Variants in IL1RAPL1 observed in about 807,000 individuals in gnomAD.
IL1RAPL1 encodes interleukin 1 receptor accessory protein like 1.
A neutral mutation model predicts 48.4 loss-of-function variants in IL1RAPL1; 3 were observed. That is an observed-to-expected ratio of 0.06 (90% CI 0.03 to 0.16). IL1RAPL1 has a LOEUF of 0.16. Ranked by LOEUF, IL1RAPL1 falls within the 10% of genes least tolerant of loss-of-function variation. IL1RAPL1 has a pLI of 1.00. For missense variants in IL1RAPL1, 349 were observed against 530.6 expected, an observed-to-expected ratio of 0.66 and a Z score of 3.36; for synonymous variants, 185 against 187.7, an observed-to-expected ratio of 0.99 and a Z score of 0.12.
rs1203248525 is a variant in IL1RAPL1, at chrX:29,350,191, T to TTATATATGTATATA, written c.363-46060_363-46059insGTATATATATATAT. Among the ~76,000 whole-genome samples the TTATATATGTATATA allele has an allele frequency of 1.2e-3, 46 of 39,424 alleles. 2 individuals are homozygous for TTATATATGTATATA. Among genetic ancestry groups the TTATATATGTATATA allele is most frequent in the African/African-American group, 7.8e-3 (45 of 5,752 alleles). The allele number at this position is 39,424 out of a possible 115,157, so 34.2% of individuals were successfully genotyped here. ...CTCCCTTGGTCTACATACTGTTATTTTATATATATATATATATATATATAT... is the reference window on the plus strand; with the variant it reads ...CTCCCTTGGTCTACATACTGTTATTTTATATATGTATATATATATATATATATATATATATATAT... On this transcript the variant is annotated intron_variant, in intron 3 of 10. Coordinates refer to ENST00000378993, the MANE Select transcript of IL1RAPL1 (RefSeq NM_014271.4).
At chrX:29,365,178 A>G (rs1933434565) in intron 3 of IL1RAPL1, among the ~76,000 whole-genome samples, 4 of 111,519 alleles carry the variant, frequency 3.6e-5, no homozygotes, top group African/African-American at 1.3e-4. Flanking sequence ...GTGCTCAGGC[A>G]GAGAAGGTGA....
intron 2 of IL1RAPL1, among the ~76,000 whole-genome samples, chrX:29,036,086 A>G (rs1321412947): frequency 8.9e-6 from 1 of 111,884 alleles, no homozygotes; most frequent in Non-Finnish European, 1.9e-5. Context: ...AGCTTCGAGA[A>G]GACTTGAGAC....
rs768110490 is a variant in IL1RAPL1, at chrX:28,817,422, G to A, written c.82+27997G>A. On this transcript the variant is annotated intron_variant, in intron 2 of 10. Transcript: ENST00000378993. ...GGCAGACCTTTCACAGTGATAGATA[G>A]TATACAGAAGCTACCATGCTGAGAT... Among the ~76,000 whole-genome samples, 4 of 110,727 alleles carry A rather than the reference G, an allele frequency of 3.6e-5. No homozygotes were observed. The East Asian group carries it at 1.2e-3, about 32-fold the overall frequency.
At chrX:29,382,193 A>G (rs756574146) in intron 3 of IL1RAPL1, among the ~76,000 whole-genome samples, 51 of 111,392 alleles carry the variant, frequency 4.6e-4, no homozygotes, top group Non-Finnish European at 7.9e-4. Context: ...CGTGCATATG[A>G]AGAATAATTT....
chrX:29,864,993 A>G lies in IL1RAPL1; in HGVS notation c.779-52471A>G, dbSNP rs373088029. Among the ~76,000 whole-genome samples, 7 of 112,240 alleles carry G rather than the reference A, an allele frequency of 6.2e-5. No homozygotes were observed. In the East Asian group the frequency reaches 2.0e-3, roughly 31 times the overall value. On this transcript the variant is annotated intron_variant, in intron 6 of 10. Transcript: ENST00000378993. Reference sequence around the variant, plus strand: ...GTGCAAGATGAGATTGCCTGAAGTCAGATTAAAACACTGCCCCTGCTCCCC... The same window carrying G: ...GTGCAAGATGAGATTGCCTGAAGTCGGATTAAAACACTGCCCCTGCTCCCC...
chrX:28,885,552 G>T (rs977126201), intron 2 of IL1RAPL1, among the ~76,000 whole-genome samples: 14 of 111,571 alleles, frequency 1.3e-4, no homozygotes, highest in African/African-American at 4.6e-4. Context: ...AAAACTTAAC[G>T]TATTTGTTTT....
At chrX:28,663,488 G>A (rs1334228548) in intron 1 of IL1RAPL1, among the ~76,000 whole-genome samples, 1 of 112,075 alleles carries the variant, frequency 8.9e-6, no homozygotes, top group African/African-American at 3.2e-5. Context: ...TATTTTGTAT[G>A]TCTGTTTCAT....
At chrX:29,227,038 T>A (rs66509806) in intron 2 of IL1RAPL1, among the ~76,000 whole-genome samples, 11,873 of 109,272 alleles carry the variant, frequency 0.11, 780 homozygotes, top group East Asian at 0.39. Flanking sequence ...GACATTTGAA[T>A]CACCTGCGTG....
intron 5 of IL1RAPL1, among the ~76,000 whole-genome samples, chrX:29,463,271 A>G (rs5971497): frequency 0.47 from 51,241 of 109,691 alleles, 8,814 homozygotes; most frequent in East Asian, 0.75. Flanking sequence ...ATTGGATGGT[A>G]TAGCTTTACG....
chrX:28,860,382 A>G (rs1478320556), intron 2 of IL1RAPL1, among the ~76,000 whole-genome samples: 1 of 111,132 alleles, frequency 9.0e-6, no homozygotes, highest in African/African-American at 3.3e-5. Flanking sequence ...AATAATATCT[A>G]GCATATTGTA....
intron 1 of IL1RAPL1, among the ~76,000 whole-genome samples, chrX:28,596,703 A>T (rs1933959420): frequency 8.9e-6 from 1 of 112,068 alleles, no homozygotes; most frequent in Non-Finnish European, 1.9e-5. Context: ...AAGATTACTT[A>T]TACCTAATAC....
At chrX:29,488,432 A>C (rs1462245301) in intron 5 of IL1RAPL1, among the ~76,000 whole-genome samples, 1 of 111,741 alleles carries the variant, frequency 8.9e-6, no homozygotes, top group Non-Finnish European at 1.9e-5. Context: ...GCAAGACTCC[A>C]TCTCAACAAC....
At chrX:28,783,694 T>G (rs1936445452) in intron 1 of IL1RAPL1, among the ~76,000 whole-genome samples, 1 of 111,827 alleles carries the variant, frequency 8.9e-6, no homozygotes, top group Admixed American at 9.5e-5. Context: ...GACCATGCAC[T>G]CTTTCTGTCC....
intron 3 of IL1RAPL1, among the ~76,000 whole-genome samples, chrX:29,332,633 TTTA>T (rs1569287602): frequency 9.9e-5 from 10 of 100,670 alleles, no homozygotes; most frequent in African/African-American, 4.2e-4. Flanking sequence ...TATTTATTTA[TTTA>T]TTTATTTATT....
intron 2 of IL1RAPL1, among the ~76,000 whole-genome samples, chrX:29,185,546 A>G (rs1294799756): frequency 8.9e-6 from 1 of 112,190 alleles, no homozygotes; most frequent in Admixed American, 9.5e-5. Context: ...AAGATTAGCT[A>G]TAAATATCAT....
intron 8 of IL1RAPL1, among the ~76,000 whole-genome samples, chrX:29,926,764 TCAG>T (rs1375937185): frequency 9.0e-6 from 1 of 111,356 alleles, no homozygotes; most frequent in Non-Finnish European, 1.9e-5. Context: ...ACAACCTTCC[TCAG>T]TTATGAAAAT....
chrX:29,768,042 A>T (rs73219697), intron 6 of IL1RAPL1, among the ~76,000 whole-genome samples: 4,129 of 111,799 alleles, frequency 0.037, 79 homozygotes, highest in Non-Finnish European at 0.057. Flanking sequence ...TACACCATTT[A>T]AAAAAATTAT....
chrX:29,471,618 G>A (rs1432901354), intron 5 of IL1RAPL1, among the ~76,000 whole-genome samples: 1 of 111,496 alleles, frequency 9.0e-6, no homozygotes, highest in African/African-American at 3.3e-5. Flanking sequence ...TTGTGATTCC[G>A]TTCCCAAGCT....
intron 5 of IL1RAPL1, among the ~76,000 whole-genome samples, chrX:29,664,335 C>G (rs1357236664): frequency 2.0e-5 from 2 of 101,845 alleles, no homozygotes; most frequent in Non-Finnish European, 3.9e-5. Context: ...ACCCAGGAGG[C>G]AGAGCTTGCA....
Sources: allele counts gnomAD v4.1 joint callset (sites outside exome capture counted in the v4.1 genomes callset), GRCh38; gene constraint gnomAD v4.1.1; transcripts MANE v1.5; gene names NCBI Gene and HGNC (gene_info 2026-07-23, HGNC 2026-07-21).